Variants in APCDD1L observed in about 807,000 individuals in gnomAD.
APCDD1L encodes the protein protein APCDD1-like.
In APCDD1L, 21 loss-of-function variants were observed where a neutral mutation model predicts 24.2. The observed-to-expected ratio is 0.87, with a 90% CI of 0.61 to 1.25. The LOEUF is 1.25. Among genes scored for constraint, APCDD1L ranks in the 50% most tolerant of loss-of-function variants. APCDD1L has a pLI of 0.00. For synonymous variants in APCDD1L, 321 were observed against 323.6 expected, an observed-to-expected ratio of 0.99 and a Z score of 0.09; for missense variants, 704 against 711.7, an observed-to-expected ratio of 0.99 and a Z score of 0.12.
intron 3 of APCDD1L, among the ~76,000 whole-genome samples, chr20:58,465,513 A>G (rs868234694): frequency 5.9e-5 from 9 of 152,202 alleles, no homozygotes; most frequent in East Asian, 3.8e-4. Context: ...AAGGTGGCCT[A>G]AGAGCTCCAA....
intron 1 of APCDD1L, among the ~76,000 whole-genome samples, chr20:58,480,752 G>C (rs1172377887): frequency 6.6e-6 from 1 of 152,160 alleles, no homozygotes; most frequent in Non-Finnish European, 1.5e-5. Context: ...GTTTGTTTAG[G>C]AATGTTCCAG....
At chr20:58,474,076 A>C (rs1989863599) in intron 1 of APCDD1L, among the ~76,000 whole-genome samples, 1 of 152,222 alleles carries the variant, frequency 6.6e-6, no homozygotes, top group Admixed American at 6.5e-5. Context: ...AAGTGTGGGC[A>C]CTTGGCTAAG....
Position 58,470,693 on chromosome 20 carries a change from G to A in APCDD1L, c.104C>T (p.Pro35Leu). Reference protein sequence around the residue: ...EAGGSCLRWEPHCQQPLPDRV... With the variant: ...EAGGSCLRWELHCQQPLPDRV... ...ATCTGGCAAGGGCTGCTGGCAGTGG[G>A]GTTCCCAGCGCAGGCAGCTGCCCCC... Residue 35 changes from proline (P) to leucine (L), a missense_variant, in exon 2 of 4, where the codon CCC becomes CTC. By Grantham distance (98) the Pro-to-Leu change is moderately conservative (BLOSUM62 -3). Coordinates refer to ENST00000371149, the MANE Select transcript of APCDD1L (RefSeq NM_153360.3). The A allele has an allele frequency of 6.4e-7, 1 of 1,553,106 alleles. No homozygotes were observed.
chr20:58,477,258 T>G (rs1362422781), intron 1 of APCDD1L, among the ~76,000 whole-genome samples: 1 of 152,198 alleles, frequency 6.6e-6, no homozygotes, highest in African/African-American at 2.4e-5. Flanking sequence ...ATGTCCCCTT[T>G]CTGGTCCAGC....
intron 1 of APCDD1L, among the ~76,000 whole-genome samples, chr20:58,483,163 G>A (rs528235148): frequency 2.0e-5 from 3 of 152,292 alleles, no homozygotes; most frequent in Non-Finnish European, 4.4e-5. Context: ...AAGGTAGCAG[G>A]GAGGTGTGAA....
At chr20:58,463,401 G>A (rs899017845) in intron 3 of APCDD1L, among the ~76,000 whole-genome samples, 9 of 152,132 alleles carry the variant, frequency 5.9e-5, no homozygotes, top group Non-Finnish European at 1.0e-4. Flanking sequence ...CGTGAGCTGG[G>A]TTTACCGTAA....
Position 58,514,767 on chromosome 20 carries a change from G to C in APCDD1L, c.-60C>G. On this transcript the variant is annotated 5_prime_UTR_variant, in exon 1 of 4. Coordinates refer to ENST00000371149, the MANE Select transcript of APCDD1L (RefSeq NM_153360.3). ...TGCCACGGTGCGCAAGGGGAGGCGC[G>C]GGCGCAGGGCTCTCGGACGGCTGCG... 8.1e-7 allele frequency: 1 copy of C among 1,237,348 alleles called. No individual in the cohort carries two copies. Among genetic ancestry groups the C allele is most frequent in the Non-Finnish European group, 1.0e-6 (1 of 976,070 alleles). The allele number at this position is 1,237,348 out of a possible 1,614,324, so 76.6% of individuals were successfully genotyped here.
At chr20:58,500,566 C>T (rs939288241) in intron 1 of APCDD1L, among the ~76,000 whole-genome samples, 2 of 152,184 alleles carry the variant, frequency 1.3e-5, no homozygotes, top group Non-Finnish European at 2.9e-5. Flanking sequence ...GCCATATTCT[C>T]TCATTTAATC....
At chr20:58,468,680 G>A (rs961067417) in intron 2 of APCDD1L, among the ~76,000 whole-genome samples, 11 of 152,158 alleles carry the variant, frequency 7.2e-5, no homozygotes, top group Admixed American at 2.6e-4. Flanking sequence ...CAATTCTCCT[G>A]CCTCAGTCTC....
rs2078053127 is a variant in APCDD1L at position 58,509,538 on chromosome 20, A to G, written c.49+5121T>C. 2.6e-5 allele frequency among the ~76,000 whole-genome samples: 4 copies of G among 152,042 alleles called. No individual in the cohort carries two copies. The South Asian group carries it at 8.3e-4, about 32-fold the overall frequency. On this transcript the variant is annotated intron_variant, in intron 1 of 3. Transcript: ENST00000371149. ...AGAGTGTTGTAAGACGGGACTAACAACTCACCTCAAATGCTGCTGTAAGTC... is the reference window on the plus strand; with the variant it reads ...AGAGTGTTGTAAGACGGGACTAACAGCTCACCTCAAATGCTGCTGTAAGTC...
chr20:58,500,188 T>C (rs866732156), intron 1 of APCDD1L, among the ~76,000 whole-genome samples: 13 of 152,336 alleles, frequency 8.5e-5, no homozygotes, highest in South Asian at 2.1e-4. Context: ...AAAATGCATA[T>C]GTGAATTTAA....
In APCDD1L at chr20:58,467,774, A is replaced by C; in HGVS notation, c.189-116T>G. 9.1e-7 allele frequency: 1 copy of C among 1,097,162 alleles called. No homozygotes were observed. Among genetic ancestry groups the C allele is most frequent in the Non-Finnish European group, 1.2e-6 (1 of 831,846 alleles). 68.0% of individuals were successfully genotyped at this position (1,097,162 alleles called of 1,614,324 possible). On this transcript the variant is annotated intron_variant, in intron 2 of 3. Transcript: ENST00000371149. This position sits in a 1 kb window ranked among gnomAD's most constrained non-coding sequence, Gnocchi z 5.9. ...CAGCCCTCCTCTTAGTCCTCAGCTCAGGCCTGGGCCCCTCCAGCCTCAGTT... is the reference window on the plus strand; with the variant it reads ...CAGCCCTCCTCTTAGTCCTCAGCTCCGGCCTGGGCCCCTCCAGCCTCAGTT...
intron 3 of APCDD1L, among the ~76,000 whole-genome samples, chr20:58,463,577 G>A (rs773397886): frequency 2.6e-5 from 4 of 151,972 alleles, no homozygotes; most frequent in African/African-American, 7.3e-5. Flanking sequence ...AGAAGCTGCC[G>A]CCCAGATTGT....
At chr20:58,512,453 G>A (rs145229987) in intron 1 of APCDD1L, among the ~76,000 whole-genome samples, 1 of 152,190 alleles carries the variant, frequency 6.6e-6, no homozygotes, top group African/African-American at 2.4e-5. Flanking sequence ...TCTGTAGGAA[G>A]AGGGCAGGGA....
chr20:58,470,528 T>C, intron 2 of APCDD1L, 81 bp downstream of exon 2: 1 of 1,468,764 alleles, frequency 6.8e-7, no homozygotes, highest in South Asian at 1.4e-5. Flanking sequence ...ATTATGCCCA[T>C]TTCAAAGATT....
Position 58,470,607 on chromosome 20 carries a change from A to T in APCDD1L, c.188+2T>A. ...CATGGTCAGGATGACCTGAAGTCTT[A>T]CCCTGTGGAGATCCAAGGTCCATTA... On this transcript the variant is annotated splice_donor_variant, in intron 2 of 3. Transcript: ENST00000371149. LOFTEE classifies it high-confidence loss of function. 1 of 1,587,878 alleles carries T rather than the reference A, an allele frequency of 6.3e-7. No homozygotes were observed. Among genetic ancestry groups the T allele is most frequent in the Non-Finnish European group, 8.6e-7 (1 of 1,167,004 alleles).
chr20:58,511,697 C>T (rs888079845), intron 1 of APCDD1L, among the ~76,000 whole-genome samples: 8 of 152,084 alleles, frequency 5.3e-5, no homozygotes, highest in Non-Finnish European at 8.8e-5. Flanking sequence ...AATACGATTA[C>T]GGGTCTCTAT....
In APCDD1L at chr20:58,459,331, C is replaced by G. The variant is rs935894214; in HGVS notation, c.*1459G>C. 2.6e-5 allele frequency: 4 copies of G among 151,144 alleles called. No individual in the cohort carries two copies. Among genetic ancestry groups the G allele is most frequent in the Non-Finnish European group, 2.9e-5 (2 of 67,874 alleles). 9.4% of individuals were successfully genotyped at this position (151,144 alleles called of 1,614,324 possible). A position where few individuals can be genotyped will look rare whatever the true frequency, so the allele number is the denominator to read the frequency against. On this transcript the variant is annotated 3_prime_UTR_variant, in exon 4 of 4. Coordinates refer to ENST00000371149, the MANE Select transcript of APCDD1L (RefSeq NM_153360.3). Reference sequence around the variant, plus strand: ...AGGAACACTTGTAGCTGTCTGAGAGCTACAGAGAATACTAACTTGGTGGGC... The same window carrying G: ...AGGAACACTTGTAGCTGTCTGAGAGGTACAGAGAATACTAACTTGGTGGGC...
At chr20:58,496,351 GC>G (rs1286734468) in intron 1 of APCDD1L, among the ~76,000 whole-genome samples, 2 of 152,264 alleles carry the variant, frequency 1.3e-5, no homozygotes, top group Non-Finnish European at 2.9e-5. Flanking sequence ...GCAGGTGCCA[GC>G]CTGGGGCAGG....
Sources: allele counts gnomAD v4.1 joint callset (sites outside exome capture counted in the v4.1 genomes callset), GRCh38; gene constraint gnomAD v4.1.1; non-coding constraint Gnocchi (gnomAD v3.1); transcripts MANE v1.5; gene names NCBI Gene and HGNC (gene_info 2026-07-23, HGNC 2026-07-21).